The following OPCML variants were observed in gnomAD, a reference collection of about 807,000 sequenced individuals.
The protein encoded by OPCML is opioid binding protein/cell adhesion molecule like.
A neutral mutation model predicts 37.8 loss-of-function variants in OPCML; 13 were observed. The observed-to-expected ratio is 0.34, with a 90% CI of 0.22 to 0.55. The LOEUF (loss-of-function observed/expected upper bound fraction) is 0.55. Ranked by LOEUF, OPCML falls within the 20% of genes least tolerant of loss-of-function variation. The pLI, the probability that OPCML is intolerant of heterozygous loss-of-function variation, is 0.91. For synonymous variants in OPCML, 176 were observed against 168.8 expected (o/e 1.04, Z -0.33); for missense variants, 341 against 435.6 (o/e 0.78, Z 1.93).
chr11:132,542,766 C>T (rs557570142), intron 3 of OPCML, among the ~76,000 whole-genome samples: 40 of 152,290 alleles, frequency 2.6e-4, no homozygotes, highest in African/African-American at 9.1e-4. Context: ...GATGCAGCCT[C>T]ACCCTCAGGC....
At chr11:132,529,749 C>G (rs1323027360) in intron 3 of OPCML, among the ~76,000 whole-genome samples, 1 of 152,186 alleles carries the variant, frequency 6.6e-6, no homozygotes, top group East Asian at 1.9e-4. Flanking sequence ...CCAATCATCC[C>G]TTAAGACACA....
At chr11:133,473,717 T>C (rs552689792) in intron 1 of OPCML, among the ~76,000 whole-genome samples, 2 of 152,208 alleles carry the variant, frequency 1.3e-5, no homozygotes, top group African/African-American at 4.8e-5. Context: ...GTTGCTTCCA[T>C]TGGCTAGGCC....
At chr11:132,446,103 C>CT (rs58784534) in intron 4 of OPCML, among the ~76,000 whole-genome samples, 11,310 of 48,490 alleles carry the variant, frequency 0.23, 3,512 homozygotes, top group Non-Finnish European at 0.32. Flanking sequence ...CTGCTTGTGT[C>CT]TTTTTTTTTT....
chr11:133,083,009 C>G (rs1948760077), intron 1 of OPCML, among the ~76,000 whole-genome samples: 1 of 151,234 alleles, frequency 6.6e-6, no homozygotes, highest in South Asian at 2.1e-4. Flanking sequence ...AGCGCCGGAG[C>G]CCGCGGCGGA....
At chr11:132,464,700 G>C (rs1224802396) in intron 4 of OPCML, among the ~76,000 whole-genome samples, 1 of 152,064 alleles carries the variant, frequency 6.6e-6, no homozygotes, top group African/African-American at 2.4e-5. Context: ...GCCACGCAGA[G>C]TAAGCCCCTC....
chr11:133,336,216 C>G lies in OPCML; in HGVS notation c.61+196048G>C, dbSNP rs191788310. Among the ~76,000 whole-genome samples the G allele has an allele frequency of 1.9e-3, 294 of 152,314 alleles. 2 individuals are homozygous for G. The highest frequency in any genetic ancestry group is 6.8e-3 in the African/African-American group (281 of 41,562). On this transcript the variant is annotated intron_variant, in intron 1 of 7. Transcript: ENST00000524381. ...CAAGAACTGGTAATACTAATCCCTT[C>G]TGTCTCAGAGCAGCGTTGGTCTTGG...
intron 1 of OPCML, among the ~76,000 whole-genome samples, chr11:133,201,180 T>G (rs1252886222): frequency 6.6e-6 from 1 of 152,082 alleles, no homozygotes; most frequent in Non-Finnish European, 1.5e-5. Context: ...CTATCAGGTA[T>G]TATGCTGATT....
intron 1 of OPCML, among the ~76,000 whole-genome samples, chr11:133,162,935 C>T (rs939054175): frequency 6.6e-5 from 10 of 152,164 alleles, no homozygotes; most frequent in African/African-American, 1.7e-4. Context: ...ACCAGCCTTG[C>T]GGTTTTGACC....
intron 2 of OPCML, among the ~76,000 whole-genome samples, chr11:132,687,829 C>T (rs1459995346): frequency 6.6e-6 from 1 of 152,160 alleles, no homozygotes; most frequent in Non-Finnish European, 1.5e-5. Context: ...TCTGCAACTG[C>T]TTCCATACTC....
In OPCML at chr11:133,366,756, A is replaced by G. The variant is rs562772156; in HGVS notation, c.61+165508T>C. Among the ~76,000 whole-genome samples the G allele has an allele frequency of 2.0e-5, 3 of 152,316 alleles. No homozygotes were observed. In the East Asian group the frequency reaches 5.8e-4, roughly 29 times the overall value. On this transcript the variant is annotated intron_variant, in intron 1 of 7. Transcript: ENST00000524381. ...TCCACAGCAACTTAGTATTGAGATT[A>G]CTTAGTCCTCAGAGCATTCACATGT...
At chr11:132,435,755 A>G (rs908060649) in intron 7 of OPCML, among the ~76,000 whole-genome samples, 1 of 152,222 alleles carries the variant, frequency 6.6e-6, no homozygotes, top group Non-Finnish European at 1.5e-5. Context: ...AGAGACTCCA[A>G]CTACAGAAGG....
intron 1 of OPCML, among the ~76,000 whole-genome samples, chr11:133,500,601 C>G (rs1362034287): frequency 6.6e-6 from 1 of 152,178 alleles, no homozygotes; most frequent in Non-Finnish European, 1.5e-5. Flanking sequence ...CATTAAGGGA[C>G]CAGGAGACAA....
At chr11:133,302,855 G>A (rs1942814279) in intron 1 of OPCML, among the ~76,000 whole-genome samples, 1 of 152,026 alleles carries the variant, frequency 6.6e-6, no homozygotes, top group Non-Finnish European at 1.5e-5. Flanking sequence ...TTACATATTG[G>A]GATGTAGTGA....
intron 1 of OPCML, among the ~76,000 whole-genome samples, chr11:133,197,917 A>G (rs1365325314): frequency 3.3e-5 from 5 of 152,200 alleles, no homozygotes; most frequent in African/African-American, 1.2e-4. Context: ...AAGAAGGCAC[A>G]TGGCAGACAC....
chr11:132,608,803 G>T (rs564840697), intron 3 of OPCML, among the ~76,000 whole-genome samples: 1 of 152,116 alleles, frequency 6.6e-6, no homozygotes, highest in Non-Finnish European at 1.5e-5. Context: ...ATAAATGCAC[G>T]CAATTACTCC....
At chr11:133,233,433 C>G (rs140915860) in intron 1 of OPCML, among the ~76,000 whole-genome samples, 123 of 152,268 alleles carry the variant, frequency 8.1e-4, no homozygotes, top group African/African-American at 2.9e-3. Context: ...GAGAATGCTC[C>G]TGTTACTGGG....
intron 2 of OPCML, among the ~76,000 whole-genome samples, chr11:132,769,236 G>GT (rs1946558951): frequency 1.5e-5 from 2 of 134,878 alleles, no homozygotes. Context: ...TTTTTGGTTT[G>GT]TTTGTTGTTT....
chr11:132,703,474 G>C (rs1310291970), intron 2 of OPCML, among the ~76,000 whole-genome samples: 1 of 152,126 alleles, frequency 6.6e-6, no homozygotes, highest in African/African-American at 2.4e-5. Flanking sequence ...TGCAATCCTT[G>C]TTGCCTGTAC....
At chr11:133,460,813 C>T (rs1350428128) in intron 1 of OPCML, among the ~76,000 whole-genome samples, 1 of 151,830 alleles carries the variant, frequency 6.6e-6, no homozygotes. Context: ...GGAAGGAATG[C>T]TTCCTAATTC....
Sources: allele counts gnomAD v4.1 joint callset (sites outside exome capture counted in the v4.1 genomes callset), GRCh38; gene constraint gnomAD v4.1.1; transcripts MANE v1.5; gene names NCBI Gene and HGNC (gene_info 2026-07-23, HGNC 2026-07-21).